The following IGF1R variants were observed in gnomAD, a reference collection of about 807,000 sequenced individuals.
The protein encoded by IGF1R is insulin-like growth factor 1 receptor.
Under a neutral mutation model 144.6 loss-of-function variants are expected in IGF1R, and 44 were observed. The observed-to-expected ratio is 0.30, with a 90% CI of 0.24 to 0.39. The LOEUF (loss-of-function observed/expected upper bound fraction) is 0.39. Among genes scored for constraint, IGF1R ranks in the 10% least tolerant of loss-of-function variants. The probability of loss-of-function intolerance (pLI) is 1.00; values close to 1 mark genes in which losing one functional copy is unlikely to be tolerated. For synonymous variants in IGF1R, 795 were observed against 722.8 expected (o/e 1.10, Z -1.60); for missense variants, 1,355 against 1,833.7 (o/e 0.74, Z 4.77).
rs541163877 is a variant in IGF1R, at chr15:98,650,993, C to A, written c.94+1318C>A. The stretch of plus-strand genomic sequence containing the variant: ...CTGAAAAAGTTGAAAGTGTGGCTTA[C>A]TGGTACATTCAAGATGGTAGGGTAA... On this transcript the variant is annotated intron_variant, in intron 1 of 20. Coordinates refer to ENST00000650285, the MANE Select transcript of IGF1R (RefSeq NM_000875.5). 3.0e-6 allele frequency: 3 copies of A among 985,094 alleles called. No individual in the cohort carries two copies. In the South Asian group the frequency reaches 1.4e-4, roughly 46 times the overall value. The allele number at this position is 985,094 out of a possible 1,614,324, so 61.0% of individuals were successfully genotyped here.
intron 1 of IGF1R, chr15:98,650,788 G>A: frequency 3.4e-6 from 2 of 593,568 alleles, no homozygotes; most frequent in Non-Finnish European, 4.2e-6. Context: ...CTCTTCTGCC[G>A]CCCCGCACTT....
intron 19 of IGF1R, among the ~76,000 whole-genome samples, chr15:98,948,331 G>GC (rs2016634569): frequency 6.6e-6 from 1 of 152,138 alleles, no homozygotes; most frequent in African/African-American, 2.4e-5. Flanking sequence ...TGCCGGAAGC[G>GC]CCCTCACCAC....
At chr15:98,656,748 C>A (rs1191131246) in intron 1 of IGF1R, among the ~76,000 whole-genome samples, 1 of 146,634 alleles carries the variant, frequency 6.8e-6, no homozygotes, top group African/African-American at 2.8e-5. Flanking sequence ...GTCTCTACTT[C>A]AGTAAGAGTT....
intron 2 of IGF1R, among the ~76,000 whole-genome samples, chr15:98,817,701 C>T (rs1390537586): frequency 6.6e-6 from 1 of 152,164 alleles, no homozygotes; most frequent in Non-Finnish European, 1.5e-5. Context: ...ATTACTGTAG[C>T]CTGGGTGGCT....
chr15:98,649,653 G>A lies in IGF1R; in HGVS notation c.72G>A (p.Ser24=). 1.9e-6 allele frequency: 3 copies of A among 1,609,382 alleles called. No individual in the cohort carries two copies. Among genetic ancestry groups the A allele is most frequent in the Admixed American group, 1.7e-5 (1 of 59,460 alleles). ...TCCTGTTTCTCTCCGCCGCGCTCTC[G>A]CTCTGGCCGACGAGTGGAGAAAGTG... ...WGLLFLSAAL[S]LWPTSGEICG... Residue 24 remains serine, a synonymous_variant, in exon 1 of 21, where the codon TCG becomes TCA. Transcript: ENST00000650285.
chr15:98,747,583 G>A (rs1039124163), intron 2 of IGF1R, among the ~76,000 whole-genome samples: 3 of 152,156 alleles, frequency 2.0e-5, no homozygotes, highest in Non-Finnish European at 4.4e-5. Flanking sequence ...TCCCTCTGAC[G>A]ACTAAATCTT....
rs891637400 is a variant in IGF1R, at chr15:98,784,961, T to C, written c.640+76854T>C. Among the ~76,000 whole-genome samples, 19 of 152,338 alleles carry C rather than the reference T, an allele frequency of 1.2e-4. No homozygotes were observed. In the East Asian group the frequency reaches 2.3e-3, roughly 19 times the overall value. Reference sequence around the variant, plus strand: ...CTGAGGGATGACTGTATTTACAACATGTCTAGATTTTCGACAACTTGAATT... The same window carrying C: ...CTGAGGGATGACTGTATTTACAACACGTCTAGATTTTCGACAACTTGAATT... On this transcript the variant is annotated intron_variant, in intron 2 of 20. Coordinates refer to ENST00000650285, the MANE Select transcript of IGF1R (RefSeq NM_000875.5).
intron 1 of IGF1R, among the ~76,000 whole-genome samples, chr15:98,695,894 C>G (rs1315620018): frequency 3.9e-5 from 6 of 152,176 alleles, no homozygotes; most frequent in Admixed American, 1.3e-4. Flanking sequence ...GGTCCCTGCT[C>G]TCACTTGGAT....
chr15:98,781,428 C>T (rs1057132398), intron 2 of IGF1R, among the ~76,000 whole-genome samples: 4 of 152,128 alleles, frequency 2.6e-5, no homozygotes, highest in African/African-American at 7.2e-5. Context: ...CACATCAGAT[C>T]GTATTTAAAT....
intron 2 of IGF1R, among the ~76,000 whole-genome samples, chr15:98,879,023 G>T (rs2013230502): frequency 6.6e-6 from 1 of 152,088 alleles, no homozygotes; most frequent in Non-Finnish European, 1.5e-5. Flanking sequence ...GGGGGATGTG[G>T]GTTGTGAGAG....
chr15:98,895,222 C>CCACACACACACA (rs10704966), intron 3 of IGF1R, among the ~76,000 whole-genome samples: 2 of 143,406 alleles, frequency 1.4e-5, no homozygotes, highest in Admixed American at 7.0e-5. Flanking sequence ...TGACACAGCA[C>CCACACACACACA]CACACACACA....
chr15:98,958,574 T>C lies in IGF1R; in HGVS notation c.*1132T>C. 8.6e-6 allele frequency: 2 copies of C among 232,940 alleles called. No individual in the cohort carries two copies. The highest frequency in any genetic ancestry group is 1.2e-4 in the East Asian group (2 of 16,514). The allele number at this position is 232,940 out of a possible 1,614,324, so 14.4% of individuals were successfully genotyped here. A position where few individuals can be genotyped will look rare whatever the true frequency, so the allele number is the denominator to read the frequency against. Reference sequence around the variant, plus strand: ...CTAAGCTTTGTTGACATTTTCTCTGTTCCTAGGACTTCTTCATGGGTCTTA... The same window carrying C: ...CTAAGCTTTGTTGACATTTTCTCTGCTCCTAGGACTTCTTCATGGGTCTTA... On this transcript the variant is annotated 3_prime_UTR_variant, in exon 21 of 21. Transcript: ENST00000650285.
chr15:98,899,599 C>T lies in IGF1R; in HGVS notation c.1225C>T (p.Leu409=), dbSNP rs375267963. The change falls in exon 5 of 21, where the codon CTA becomes TTA. Residue 409 remains leucine (L), a synonymous_variant. Transcript: ENST00000650285. The stretch of plus-strand genomic sequence containing the variant: ...CTTCCTAAAAAACCTTCGCCTCATC[C>T]TAGGAGAGGAGCAGCTAGAAGGGTA... ...LSFLKNLRLI[L]GEEQLEGNYS... is the part of the protein sequence containing the mutation. 8 of 1,613,998 alleles carry T rather than the reference C, an allele frequency of 5.0e-6. No individual in the cohort carries two copies. In the African/African-American group the frequency reaches 1.1e-4, roughly 22 times the overall value.
intron 2 of IGF1R, among the ~76,000 whole-genome samples, chr15:98,856,527 A>G (rs1026188187): frequency 1.3e-5 from 2 of 152,202 alleles, no homozygotes; most frequent in African/African-American, 4.8e-5. Flanking sequence ...TGTGACATAG[A>G]TGCTGTATGC....
chr15:98,925,749 A>C (rs1976836), intron 13 of IGF1R, among the ~76,000 whole-genome samples: 151,019 of 152,302 alleles, frequency 0.99, 74,891 homozygotes, highest in Middle Eastern at 1. Flanking sequence ...ACTAAAAATA[A>C]AAAAATTAGT....
At chr15:98,783,963 T>C (rs1256558415) in intron 2 of IGF1R, among the ~76,000 whole-genome samples, 3 of 3,438 alleles carry the variant, frequency 8.7e-4, no homozygotes, top group African/African-American at 1.2e-3. Context: ...CTGAAATTTT[T>C]TTTTTTTTTT....
At chr15:98,770,394 G>A (rs975547687) in intron 2 of IGF1R, among the ~76,000 whole-genome samples, 14 of 152,118 alleles carry the variant, frequency 9.2e-5, no homozygotes, top group African/African-American at 2.9e-4. Context: ...TAGATAGAGG[G>A]AATACATTCT....
At chr15:98,825,785 A>G (rs543176582) in intron 2 of IGF1R, among the ~76,000 whole-genome samples, 3 of 152,384 alleles carry the variant, frequency 2.0e-5, no homozygotes, top group Admixed American at 2.0e-4. Flanking sequence ...AATAATGACA[A>G]GGAGAAAAGT....
At chr15:98,875,130 C>G (rs558803845) in intron 2 of IGF1R, among the ~76,000 whole-genome samples, 105 of 151,960 alleles carry the variant, frequency 6.9e-4, no homozygotes, top group Non-Finnish European at 1.3e-3. Flanking sequence ...GGCTCCGGGA[C>G]GAGGATGCTC....
Sources: gnomAD v4.1 joint callset for allele counts (sites outside exome capture counted in the v4.1 genomes callset) on GRCh38, gnomAD v4.1.1 for gene constraint, MANE v1.5 for transcripts, NCBI Gene and HGNC (gene_info 2026-07-23, HGNC 2026-07-21) for gene names.